MAML3: variants seen among roughly 807,000 people sequenced by gnomAD.
The protein encoded by MAML3 is mastermind-like protein 3.
Under a neutral mutation model 101.9 loss-of-function variants are expected in MAML3, and 27 were observed. That is an observed-to-expected ratio of 0.27 (90% CI 0.20 to 0.37). The LOEUF (loss-of-function observed/expected upper bound fraction) is 0.37, where lower values mean the gene tolerates loss of function less well. Ranked by LOEUF, MAML3 falls within the 10% of genes least tolerant of loss-of-function variation. MAML3 has a pLI of 1.00. For missense variants in MAML3, 1,316 were observed against 1,444.9 expected, an observed-to-expected ratio of 0.91 and a Z score of 1.45; for synonymous variants, 501 against 555.9, an observed-to-expected ratio of 0.90 and a Z score of 1.39.
chr4:139,761,323 C>A (rs1260658287), intron 2 of MAML3, among the ~76,000 whole-genome samples: 1 of 152,156 alleles, frequency 6.6e-6, no homozygotes, highest in African/African-American at 2.4e-5. Flanking sequence ...AACTTTTCGA[C>A]AGAATGGACC....
intron 2 of MAML3, among the ~76,000 whole-genome samples, chr4:139,841,663 GC>G (rs1731363765): frequency 6.6e-6 from 1 of 152,192 alleles, no homozygotes. Context: ...CAAGCGCTGT[GC>G]ACTTAGCAGA....
At chr4:139,935,449 T>C (rs546338668) in intron 1 of MAML3, among the ~76,000 whole-genome samples, 3 of 152,158 alleles carry the variant, frequency 2.0e-5, no homozygotes, top group Non-Finnish European at 4.4e-5. Flanking sequence ...GTAAGCTTAA[T>C]ATTCACCAAG....
intron 1 of MAML3, among the ~76,000 whole-genome samples, chr4:140,111,238 T>C (rs776554906): frequency 1.3e-5 from 2 of 152,156 alleles, no homozygotes; most frequent in Non-Finnish European, 2.9e-5. Context: ...TGGTGGCTGC[T>C]GGATGGGCCT....
chr4:139,918,758 A>G (rs376475294), intron 1 of MAML3, among the ~76,000 whole-genome samples: 4 of 152,204 alleles, frequency 2.6e-5, no homozygotes, highest in East Asian at 3.9e-4. Context: ...GAATGAAAGA[A>G]TAAGTGATTA....
chr4:139,888,124 C>T (rs763338657), intron 2 of MAML3, among the ~76,000 whole-genome samples: 9 of 152,234 alleles, frequency 5.9e-5, no homozygotes, highest in Non-Finnish European at 8.8e-5. Context: ...TCAGGCCTGT[C>T]TCTGCAGGCC....
At chr4:139,873,156 C>T (rs1408335607) in intron 2 of MAML3, among the ~76,000 whole-genome samples, 2 of 152,142 alleles carry the variant, frequency 1.3e-5, no homozygotes, top group Non-Finnish European at 2.9e-5. Flanking sequence ...AAAAGCAAGG[C>T]TTCACATTTG....
chr4:139,927,071 T>C (rs977393636), intron 1 of MAML3, among the ~76,000 whole-genome samples: 1 of 90,542 alleles, frequency 1.1e-5, no homozygotes, highest in African/African-American at 4.7e-5. Context: ...TTTTCTTTTT[T>C]CTTTTTTTTT....
intron 1 of MAML3, among the ~76,000 whole-genome samples, chr4:140,015,670 T>G (rs1005881342): frequency 6.6e-6 from 1 of 152,138 alleles, no homozygotes; most frequent in African/African-American, 2.4e-5. Context: ...AGTATACAGA[T>G]GGGCCAGGTG....
chr4:140,003,677 A>G (rs1251792244), intron 1 of MAML3, among the ~76,000 whole-genome samples: 1 of 152,208 alleles, frequency 6.6e-6, no homozygotes, highest in African/African-American at 2.4e-5. Flanking sequence ...CGTCTGTCAA[A>G]GGGGACTGAG....
At chr4:140,052,966 C>T (rs1578660369) in intron 1 of MAML3, among the ~76,000 whole-genome samples, 1 of 152,068 alleles carries the variant, frequency 6.6e-6, no homozygotes, top group African/African-American at 2.4e-5. Context: ...AGTTCTTTTC[C>T]AGAAACTGTT....
At chr4:140,116,235 G>A (rs1183990995) in intron 1 of MAML3, among the ~76,000 whole-genome samples, 1 of 152,066 alleles carries the variant, frequency 6.6e-6, no homozygotes, top group Non-Finnish European at 1.5e-5. Flanking sequence ...ATTAACATCT[G>A]GGCTCAAATT....
At chr4:140,034,391 T>C (rs1208364634) in intron 1 of MAML3, among the ~76,000 whole-genome samples, 3 of 152,228 alleles carry the variant, frequency 2.0e-5, no homozygotes, top group African/African-American at 7.2e-5. Flanking sequence ...TGATGTCCAA[T>C]GTTCACACAT....
At chr4:139,782,630 G>C (rs900849981) in intron 2 of MAML3, among the ~76,000 whole-genome samples, 6 of 152,322 alleles carry the variant, frequency 3.9e-5, no homozygotes, top group African/African-American at 1.4e-4. Context: ...GGGCCTTCCT[G>C]GTGCCCCTTT....
chr4:139,795,217 T>C (rs1730490592), intron 2 of MAML3, among the ~76,000 whole-genome samples: 1 of 152,170 alleles, frequency 6.6e-6, no homozygotes, highest in Admixed American at 6.5e-5. Flanking sequence ...AAAGACTAAT[T>C]CGACAATAAC....
chr4:139,778,031 G>T (rs1332047668), intron 2 of MAML3, among the ~76,000 whole-genome samples: 1 of 152,132 alleles, frequency 6.6e-6, no homozygotes, highest in African/African-American at 2.4e-5. Flanking sequence ...GCCTTCTCTG[G>T]CTACTAGAAA....
At chr4:139,734,272 G>T (rs1488374502) in intron 2 of MAML3, among the ~76,000 whole-genome samples, 1 of 152,188 alleles carries the variant, frequency 6.6e-6, no homozygotes, top group African/African-American at 2.4e-5. Context: ...TTCTAAGAAG[G>T]ACACACACTG....
intron 1 of MAML3, among the ~76,000 whole-genome samples, chr4:140,064,903 G>A (rs1340160719): frequency 1.3e-5 from 2 of 152,122 alleles, no homozygotes; most frequent in African/African-American, 4.8e-5. Flanking sequence ...GTCTTCTCAA[G>A]GCCCTTTTCA....
At chr4:139,942,267 C>G (rs2110741040) in intron 1 of MAML3, among the ~76,000 whole-genome samples, 1 of 152,178 alleles carries the variant, frequency 6.6e-6, no homozygotes, top group South Asian at 2.1e-4. Context: ...AAGAACACAA[C>G]CCAGAAGATT....
chr4:139,879,525 G>GAAAA (rs5862443), intron 2 of MAML3, among the ~76,000 whole-genome samples: 2 of 115,666 alleles, frequency 1.7e-5, no homozygotes, highest in South Asian at 3.0e-4. Context: ...GGCTCTGACT[G>GAAAA]AAAAAAAAAA....
Sources: gnomAD v4.1 joint callset for allele counts (sites outside exome capture counted in the v4.1 genomes callset) on GRCh38, gnomAD v4.1.1 for gene constraint, MANE v1.5 for transcripts, NCBI Gene and HGNC (gene_info 2026-07-23, HGNC 2026-07-21) for gene names.